Variants in PTPRD observed in about 807,000 individuals in gnomAD.
PTPRD encodes the protein protein tyrosine phosphatase receptor type D, also known as receptor-type tyrosine-protein phosphatase delta.
A neutral mutation model predicts 214.5 loss-of-function variants in PTPRD; 34 were observed. The observed-to-expected ratio is 0.16, with a 90% CI of 0.12 to 0.21. PTPRD has a LOEUF of 0.21. PTPRD is among the 10% of genes least tolerant of loss of function. PTPRD has a pLI of 1.00. For synonymous variants in PTPRD, 1,128 were observed against 845.7 expected (o/e 1.33, Z -5.79); for missense variants, 2,545 against 2,398.7 (o/e 1.06, Z -1.27).
At chr9:10,343,450 G>C (rs948391387) in intron 2 of PTPRD, among the ~76,000 whole-genome samples, 5 of 152,122 alleles carry the variant, frequency 3.3e-5, no homozygotes, top group Non-Finnish European at 7.4e-5. Flanking sequence ...ATGTGCATGT[G>C]TCTTTATAGT....
intron 5 of PTPRD, among the ~76,000 whole-genome samples, chr9:9,863,113 GA>G (rs2063156760): frequency 6.6e-6 from 1 of 152,064 alleles, no homozygotes; most frequent in Admixed American, 6.6e-5. Context: ...AGAAAATGCT[GA>G]ATTAGGAAAT....
intron 3 of PTPRD, among the ~76,000 whole-genome samples, chr9:10,103,701 C>T (rs2098594541): frequency 6.6e-6 from 1 of 151,476 alleles, no homozygotes; most frequent in Non-Finnish European, 1.5e-5. Flanking sequence ...TCTATTTCCT[C>T]CCAAATGGAG....
intron 3 of PTPRD, among the ~76,000 whole-genome samples, chr9:10,126,612 C>T (rs1374084871): frequency 2.0e-5 from 3 of 152,234 alleles, no homozygotes; most frequent in Admixed American, 6.5e-5. Context: ...ACAGGTTTCT[C>T]ATCACTTAAC....
chr9:8,883,565 T>G (rs1202209064), intron 11 of PTPRD, among the ~76,000 whole-genome samples: 1 of 152,170 alleles, frequency 6.6e-6, no homozygotes, highest in East Asian at 1.9e-4. Context: ...TCAGACTTAA[T>G]TGGATTTAGA....
chr9:10,505,627 A>G (rs2045661792), intron 2 of PTPRD, among the ~76,000 whole-genome samples: 1 of 152,226 alleles, frequency 6.6e-6, no homozygotes, highest in Admixed American at 6.5e-5. Context: ...GGGTTAAAGC[A>G]AGCATGCTCC....
intron 9 of PTPRD, among the ~76,000 whole-genome samples, chr9:9,323,638 A>T (rs568814693): frequency 6.6e-6 from 1 of 152,254 alleles, no homozygotes; most frequent in East Asian, 1.9e-4. Flanking sequence ...CACTCATAAT[A>T]GAGACCATGA....
chr9:9,067,727 A>G (rs1167053472), intron 10 of PTPRD, among the ~76,000 whole-genome samples: 1 of 152,222 alleles, frequency 6.6e-6, no homozygotes, highest in African/African-American at 2.4e-5. Flanking sequence ...AGTTTCTCTC[A>G]GTGGTAACAT....
intron 2 of PTPRD, among the ~76,000 whole-genome samples, chr9:10,446,878 G>A (rs993214525): frequency 1.3e-5 from 2 of 152,162 alleles, no homozygotes; most frequent in Admixed American, 1.3e-4. Context: ...TTGTGCCACA[G>A]CATACTGCCC....
intron 11 of PTPRD, among the ~76,000 whole-genome samples, chr9:8,963,923 T>C (rs2099172343): frequency 6.6e-6 from 1 of 152,098 alleles, no homozygotes. Flanking sequence ...CTAAATTAAC[T>C]TTTTGATGTG....
chr9:9,158,723 C>A (rs1219059866), intron 10 of PTPRD, among the ~76,000 whole-genome samples: 1 of 151,998 alleles, frequency 6.6e-6, no homozygotes, highest in African/African-American at 2.4e-5. Flanking sequence ...GCCAGCATTA[C>A]CACAGTATCA....
intron 11 of PTPRD, among the ~76,000 whole-genome samples, chr9:8,839,787 G>A (rs548827968): frequency 7.4e-6 from 1 of 134,370 alleles, no homozygotes; most frequent in African/African-American, 2.9e-5. Flanking sequence ...ATGGGAAGAA[G>A]GGAACAATGC....
intron 40 of PTPRD, 111 bp downstream of exon 40, chr9:8,341,582 T>A (rs1852514124): frequency 8.0e-7 from 1 of 1,251,770 alleles, no homozygotes; most frequent in African/African-American, 1.5e-5. Context: ...GAGGGAAAGG[T>A]CAAATGAATC....
intron 2 of PTPRD, among the ~76,000 whole-genome samples, chr9:10,517,107 G>A (rs2050394222): frequency 6.6e-6 from 1 of 151,858 alleles, no homozygotes; most frequent in South Asian, 2.1e-4. Context: ...ATTAAGAAAT[G>A]CCATTTGAAT....
chr9:9,347,362 A>G (rs1034014192), intron 9 of PTPRD, among the ~76,000 whole-genome samples: 4 of 150,978 alleles, frequency 2.6e-5, no homozygotes, highest in East Asian at 2.0e-4. Context: ...ATGCATACAT[A>G]TAAGTGTTTA....
At chr9:9,703,354 C>T (rs1234932001) in intron 7 of PTPRD, among the ~76,000 whole-genome samples, 2 of 152,052 alleles carry the variant, frequency 1.3e-5, no homozygotes, top group South Asian at 2.1e-4. Flanking sequence ...TGGACTAATA[C>T]AATTATCAAA....
At chr9:10,128,680 C>T (rs1413728814) in intron 3 of PTPRD, among the ~76,000 whole-genome samples, 1 of 152,172 alleles carries the variant, frequency 6.6e-6, no homozygotes, top group Admixed American at 6.6e-5. Flanking sequence ...ATTGCCATTT[C>T]AATGCCTGTT....
intron 9 of PTPRD, among the ~76,000 whole-genome samples, chr9:9,344,985 A>T (rs968517062): frequency 6.6e-6 from 1 of 152,076 alleles, no homozygotes; most frequent in Non-Finnish European, 1.5e-5. Flanking sequence ...ATTGGTGGGG[A>T]AAAATTGATA....
At chr9:9,614,142 T>C (rs2094708394) in intron 7 of PTPRD, among the ~76,000 whole-genome samples, 1 of 151,504 alleles carries the variant, frequency 6.6e-6, no homozygotes, top group South Asian at 2.1e-4. Flanking sequence ...TACATATATT[T>C]ATAATTATAG....
intron 9 of PTPRD, among the ~76,000 whole-genome samples, chr9:9,232,094 G>A (rs2099963478): frequency 6.6e-6 from 1 of 152,096 alleles, no homozygotes; most frequent in South Asian, 2.1e-4. Flanking sequence ...ATTGTGCAGG[G>A]GAACAAAAGT....
Sources: allele counts gnomAD v4.1 joint callset (sites outside exome capture counted in the v4.1 genomes callset), GRCh38; gene constraint gnomAD v4.1.1; transcripts MANE v1.5; gene names NCBI Gene and HGNC (gene_info 2026-07-23, HGNC 2026-07-21).